FIRRM: variants seen among roughly 807,000 people sequenced by gnomAD.
FIRRM encodes the protein FIGNL1 interacting regulator of recombination and mitosis.
At chr1:169,808,026 G>T in the FIRRM span, 6 of 1,180,814 alleles carry the variant, frequency 5.1e-6, no homozygotes, top group East Asian at 1.0e-4. Flanking sequence ...TATTTAAGAG[G>T]ATTTTAATTT....
chr1:169,827,746 C>T, the FIRRM span: 2 of 1,613,996 alleles, frequency 1.2e-6, no homozygotes, highest in African/African-American at 1.3e-5. Flanking sequence ...ACAATGTCTT[C>T]TTCTGGTTGT....
At chr1:169,813,442 C>T in the FIRRM span, among the ~76,000 whole-genome samples, 15 of 152,216 alleles carry the variant, frequency 9.9e-5, no homozygotes, top group Middle Eastern at 3.2e-3. Context: ...AAAACTCACA[C>T]ATATTACACA....
At chr1:169,803,261 C>A in the FIRRM span, 1 of 1,613,750 alleles carries the variant, frequency 6.2e-7, no homozygotes, top group Admixed American at 1.7e-5. Flanking sequence ...TTCAGAGTCT[C>A]CCCTCCTCAG....
At chr1:169,849,732 A>G in the FIRRM span, 4 of 682,582 alleles carry the variant, frequency 5.9e-6, no homozygotes, top group Non-Finnish European at 9.9e-6. Context: ...TGAAGGGTAC[A>G]TTACTCGTTA....
chr1:169,807,001 C>A, the FIRRM span, among the ~76,000 whole-genome samples: 1 of 152,204 alleles, frequency 6.6e-6, no homozygotes, highest in African/African-American at 2.4e-5. Context: ...TTACCCTCTT[C>A]CAGTTCATTT....
chr1:169,829,161 C>T, the FIRRM span: 3 of 1,063,738 alleles, frequency 2.8e-6, no homozygotes, highest in Non-Finnish European at 3.9e-6. Context: ...CCTCTTGAAA[C>T]ATTTTCTGCT....
chr1:169,844,992 T>C, the FIRRM span, among the ~76,000 whole-genome samples: 26 of 152,322 alleles, frequency 1.7e-4, no homozygotes, highest in African/African-American at 6.3e-4. Flanking sequence ...ACAGAGAACA[T>C]GTTGCCTACA....
chr1:169,815,763 C>G, the FIRRM span, among the ~76,000 whole-genome samples: 1 of 152,132 alleles, frequency 6.6e-6, no homozygotes, highest in South Asian at 2.1e-4. Flanking sequence ...AGGTCTTGTC[C>G]TCATTTTACT....
chr1:169,805,658 T>G, the FIRRM span, among the ~76,000 whole-genome samples: 9 of 152,220 alleles, frequency 5.9e-5, no homozygotes, highest in Admixed American at 5.9e-4. Flanking sequence ...TTTTAGATTT[T>G]CTTTCCTTAG....
At chr1:169,816,531 A>G in the FIRRM span, among the ~76,000 whole-genome samples, 1 of 152,254 alleles carries the variant, frequency 6.6e-6, no homozygotes, top group African/African-American at 2.4e-5. Flanking sequence ...TTATCTGTAT[A>G]AAGTACAGCA....
the FIRRM span, chr1:169,804,243 G>T: frequency 6.8e-7 from 1 of 1,478,594 alleles, no homozygotes; most frequent in Non-Finnish European, 9.0e-7. Context: ...GGTAATAGGT[G>T]AGTGAAGAAA....
chr1:169,784,444 C>T, the FIRRM span, among the ~76,000 whole-genome samples: 1 of 152,128 alleles, frequency 6.6e-6, no homozygotes, highest in Non-Finnish European at 1.5e-5. Context: ...TTTTTTTCCC[C>T]AGCACTCTTT....
At chr1:169,845,280 AATG>A in the FIRRM span, among the ~76,000 whole-genome samples, 1 of 152,182 alleles carries the variant, frequency 6.6e-6, no homozygotes. Flanking sequence ...TAAAAACACT[AATG>A]ATCATATAAG....
the FIRRM span, chr1:169,843,538 G>C: frequency 1.7e-6 from 1 of 604,260 alleles, no homozygotes; most frequent in South Asian, 2.1e-5. Flanking sequence ...GAGCTGTTTT[G>C]TAAGGCATAA....
chr1:169,854,028 A>C, the FIRRM span: 5 of 571,182 alleles, frequency 8.8e-6, no homozygotes, highest in Non-Finnish European at 1.2e-5. Flanking sequence ...CCTTATTTTA[A>C]TCCCTTTTTT....
chr1:169,790,341 C>T, the FIRRM span, among the ~76,000 whole-genome samples: 1 of 152,072 alleles, frequency 6.6e-6, no homozygotes, highest in Non-Finnish European at 1.5e-5. Flanking sequence ...CATGCACCAC[C>T]ACGCCCACCT....
At chr1:169,798,149 T>C in the FIRRM span, among the ~76,000 whole-genome samples, 1 of 152,158 alleles carries the variant, frequency 6.6e-6, no homozygotes, top group Non-Finnish European at 1.5e-5. Context: ...GGCATGGTGG[T>C]GTGCATCTCT....
At chr1:169,784,933 T>C in the FIRRM span, 1 of 152,216 alleles carries the variant, frequency 6.6e-6, no homozygotes, top group Admixed American at 6.5e-5. Flanking sequence ...CAGTGCGTTC[T>C]TGATGGGATG....
At chr1:169,796,179 C>A in the FIRRM span, among the ~76,000 whole-genome samples, 1 of 152,184 alleles carries the variant, frequency 6.6e-6, no homozygotes, top group African/African-American at 2.4e-5. Context: ...CCAAAGCCCC[C>A]TTTTTTAGTT....
Sources: gnomAD v4.1 joint callset for allele counts (sites outside exome capture counted in the v4.1 genomes callset) on GRCh38, gnomAD v4.1.1 for gene constraint, MANE v1.5 for transcripts, NCBI Gene and HGNC (gene_info 2026-07-23, HGNC 2026-07-21) for gene names.